The following SHOC1 variants were observed in gnomAD, a reference collection of about 807,000 sequenced individuals.
The protein encoded by SHOC1 is protein shortage in chiasmata 1 ortholog.
A neutral mutation model predicts 179.2 loss-of-function variants in SHOC1; 136 were observed. That is an observed-to-expected ratio of 0.76 (90% CI 0.66 to 0.87). The LOEUF is 0.87. SHOC1 is among the 40% of genes least tolerant of loss of function. The pLI is 0.00. For missense variants in SHOC1, 1,538 were observed against 1,700.8 expected (o/e 0.90, Z 1.68); for synonymous variants, 489 against 586.6 (o/e 0.83, Z 2.41).
chr9:111,734,449 T>C (rs1424560834), intron 12 of SHOC1, among the ~76,000 whole-genome samples: 1 of 152,228 alleles, frequency 6.6e-6, no homozygotes, highest in Non-Finnish European at 1.5e-5. Flanking sequence ...GGGTACCATC[T>C]AGGCCTAAGA....
intron 13 of SHOC1, among the ~76,000 whole-genome samples, chr9:111,727,034 AT>A (rs780028994): frequency 2.6e-5 from 4 of 152,182 alleles, no homozygotes; most frequent in African/African-American, 4.8e-5. Context: ...ATAAAAAAAA[AT>A]ATTGTTGTAT....
intron 1 of SHOC1, among the ~76,000 whole-genome samples, chr9:111,792,264 T>C (rs1255704054): frequency 6.6e-6 from 1 of 152,150 alleles, no homozygotes; most frequent in Non-Finnish European, 1.5e-5. Context: ...GTAAAACTTT[T>C]AGTAAAAAAC....
At chr9:111,694,656 T>C (rs1322343078) in intron 24 of SHOC1, among the ~76,000 whole-genome samples, 5 of 152,088 alleles carry the variant, frequency 3.3e-5, no homozygotes, top group African/African-American at 4.8e-5. Flanking sequence ...ATTTCAACTA[T>C]ATTAGAAAAA....
intron 27 of SHOC1, among the ~76,000 whole-genome samples, chr9:111,689,101 C>T (rs549232651): frequency 2.0e-5 from 3 of 151,882 alleles, no homozygotes; most frequent in Non-Finnish European, 2.9e-5. Context: ...GTTTAAAAGG[C>T]AGGGTGGGGT....
chr9:111,694,443 A>G, intron 24 of SHOC1, 81 bp from the exon 25 acceptor site: 2 of 1,033,914 alleles, frequency 1.9e-6, no homozygotes, highest in Non-Finnish European at 1.4e-6. Flanking sequence ...TGTAATTAGA[A>G]GATAAAATTA....
intron 8 of SHOC1, 93 bp downstream of exon 8, chr9:111,756,232 G>A: frequency 9.9e-7 from 1 of 1,006,308 alleles, no homozygotes; most frequent in African/African-American, 1.7e-5. Context: ...TGCAAAATCT[G>A]GAGGTTCAGA....
chr9:111,714,653 CTAAGTA>C, intron 16 of SHOC1, 30 bp from the exon 17 acceptor site: 1 of 1,572,836 alleles, frequency 6.4e-7, no homozygotes, highest in Non-Finnish European at 8.6e-7. Context: ...AAAAAATTGT[CTAAGTA>C]TTTGTTTTTT....
chr9:111,733,129 A>G (rs1489935761), intron 12 of SHOC1, among the ~76,000 whole-genome samples: 2 of 152,166 alleles, frequency 1.3e-5, no homozygotes, highest in Non-Finnish European at 2.9e-5. Context: ...AGTTCATTTT[A>G]TGTAAATTAT....
At chr9:111,773,178 G>A (rs772878193) in intron 5 of SHOC1, among the ~76,000 whole-genome samples, 8 of 152,086 alleles carry the variant, frequency 5.3e-5, no homozygotes, top group Admixed American at 1.3e-4. Context: ...TCCCATATGA[G>A]CAGTGAAGCC....
chr9:111,786,503 A>ATTTTTTTTTTT, intron 2 of SHOC1, among the ~76,000 whole-genome samples: 1 of 110,270 alleles, frequency 9.1e-6, no homozygotes, highest in Non-Finnish European at 1.8e-5. Flanking sequence ...TGCTCTGCAG[A>ATTTTTTTTTTT]TTTTTTTTTT....
At chr9:111,751,920 G>A (rs563269722) in intron 8 of SHOC1, among the ~76,000 whole-genome samples, 12 of 152,250 alleles carry the variant, frequency 7.9e-5, no homozygotes, top group Non-Finnish European at 1.6e-4. Context: ...ATATAAAACA[G>A]AATGGAGTTT....
intron 3 of SHOC1, 82 bp from the exon 4 acceptor site, chr9:111,781,099 A>G (rs752133567): frequency 2.6e-5 from 23 of 901,602 alleles, no homozygotes; most frequent in Admixed American, 9.4e-5. Flanking sequence ...CACCTTTTAC[A>G]TTATGATTTT....
intron 8 of SHOC1, among the ~76,000 whole-genome samples, chr9:111,751,200 A>G (rs1313865778): frequency 6.6e-6 from 1 of 152,120 alleles, no homozygotes; most frequent in Non-Finnish European, 1.5e-5. Flanking sequence ...CCATTGGTCT[A>G]TGTGTCTGTT....
chr9:111,702,490 A>G (rs59242031), intron 22 of SHOC1, among the ~76,000 whole-genome samples: 1,839 of 152,318 alleles, frequency 0.012, 35 homozygotes, highest in African/African-American at 0.042. Context: ...TAGCCTATGG[A>G]GTGCCCCTAG....
intron 10 of SHOC1, 47 bp downstream of exon 10, chr9:111,746,187 G>T (rs750486732): frequency 1.6e-6 from 2 of 1,265,566 alleles, no homozygotes; most frequent in Non-Finnish European, 2.3e-6. Context: ...AATAAAGACT[G>T]CTTGTTCTGA....
rs1329804966 is a variant in SHOC1, at chr9:111,775,957, C to T, written c.276G>A (p.Met92Ile). 4 of 1,612,214 alleles carry T rather than the reference C, an allele frequency of 2.5e-6. No homozygotes were observed. The African/African-American group carries it at 5.3e-5, about 22-fold the overall frequency. ...DFLEKKTITR[M>I]VTQINCEFEE... ...CAAATTCACAATTAATCTGGGTCAC[C>T]ATTCTTGTAATTGTTTTTCTGTGAC... is the stretch of plus-strand genomic sequence containing the variant. The change falls in exon 5 of 28, where the codon ATG becomes ATA. Residue 92 changes from methionine (M) to isoleucine (I), a missense_variant. Coordinates refer to ENST00000682961, the MANE Select transcript of SHOC1 (RefSeq NM_001378211.1).
chr9:111,759,881 T>C (rs1835062688), intron 5 of SHOC1, among the ~76,000 whole-genome samples: 1 of 152,214 alleles, frequency 6.6e-6, no homozygotes, highest in African/African-American at 2.4e-5. Context: ...ACTTGTGGTA[T>C]GAACTAGCTT....
At position 111,738,310 on chromosome 9, in the gene SHOC1, A is replaced by ATATT; in HGVS notation, c.1386_1387insAATA (p.Phe463AsnfsTer17). The ATATT allele has an allele frequency of 1.2e-6, 2 of 1,611,888 alleles. No individual in the cohort carries two copies. Among genetic ancestry groups the ATATT allele is most frequent in the Non-Finnish European group, 1.7e-6 (2 of 1,179,098 alleles). ...AATTGAAGCACTTTCGTAGGCAAAA[A>ATATT]TATCTCAATTTTAGTGTCATTAGAA... On this transcript the variant is annotated frameshift_variant, in exon 12 of 28. Coordinates refer to ENST00000682961, the MANE Select transcript of SHOC1 (RefSeq NM_001378211.1). LOFTEE classifies it high-confidence loss of function.
intron 20 of SHOC1, among the ~76,000 whole-genome samples, chr9:111,706,305 T>C: frequency 6.6e-6 from 1 of 152,128 alleles, no homozygotes; most frequent in Non-Finnish European, 1.5e-5. Flanking sequence ...ATAAATGTAA[T>C]AAAATTGTGC....
Sources: gnomAD v4.1 joint callset for allele counts (sites outside exome capture counted in the v4.1 genomes callset) on GRCh38, gnomAD v4.1.1 for gene constraint, MANE v1.5 for transcripts, NCBI Gene and HGNC (gene_info 2026-07-23, HGNC 2026-07-21) for gene names.